SLC5A4: variants seen among roughly 807,000 people sequenced by gnomAD.
SLC5A4 encodes the protein solute carrier family 5 member 4.
In SLC5A4, 55 loss-of-function variants were observed where a neutral mutation model predicts 70.3. The observed-to-expected ratio is 0.78, with a 90% CI of 0.63 to 0.98. SLC5A4 has a LOEUF of 0.98. SLC5A4 is among the 50% of genes least tolerant of loss of function. The probability of loss-of-function intolerance (pLI) is 0.00; values close to 1 mark genes in which losing one functional copy is unlikely to be tolerated. For missense variants in SLC5A4, 735 were observed against 839.2 expected (o/e 0.88, Z 1.53); for synonymous variants, 268 against 305.7 (o/e 0.88, Z 1.29).
chr22:32,227,619 G>A (rs759750400), intron 11 of SLC5A4, among the ~76,000 whole-genome samples: 1 of 152,188 alleles, frequency 6.6e-6, no homozygotes, highest in Non-Finnish European at 1.5e-5. Flanking sequence ...ACGGTTGAAT[G>A]TTGCAAACAT....
the SLC5A4 span, among the ~76,000 whole-genome samples, chr22:32,349,353 G>C: frequency 6.6e-6 from 1 of 152,204 alleles, no homozygotes; most frequent in Non-Finnish European, 1.5e-5. Flanking sequence ...ACCAGGTGCA[G>C]AGTCTAGGAT....
At chr22:32,253,755 G>T (rs549301637) in intron 2 of SLC5A4, among the ~76,000 whole-genome samples, 1 of 152,054 alleles carries the variant, frequency 6.6e-6, no homozygotes, top group South Asian at 2.1e-4. Flanking sequence ...CATCAGAAAT[G>T]ATCAACATTC....
chr22:32,289,492 T>C, the SLC5A4 span, among the ~76,000 whole-genome samples: 1 of 152,168 alleles, frequency 6.6e-6, no homozygotes, highest in Admixed American at 6.5e-5. Context: ...TCCTCTCCTT[T>C]CTGGTTTCAT....
At chr22:32,349,479 G>C in the SLC5A4 span, among the ~76,000 whole-genome samples, 17 of 152,116 alleles carry the variant, frequency 1.1e-4, no homozygotes, top group African/African-American at 3.9e-4. Context: ...CACATAATCT[G>C]AACAATTTTC....
the SLC5A4 span, among the ~76,000 whole-genome samples, chr22:32,278,111 G>A: frequency 6.6e-6 from 1 of 152,148 alleles, no homozygotes; most frequent in Non-Finnish European, 1.5e-5. Context: ...TAGCGTGTTA[G>A]GGTCTACTGT....
chr22:32,257,946 A>C (rs942355460), upstream of SLC5A4, among the ~76,000 whole-genome samples: 1 of 151,988 alleles, frequency 6.6e-6, no homozygotes, highest in Non-Finnish European at 1.5e-5. Flanking sequence ...CTGGGATTAC[A>C]GGTGTGAGCC....
At chr22:32,251,727 A>C (rs1316045573) in intron 3 of SLC5A4, 43 bp downstream of exon 3, 1 of 1,134,648 alleles carries the variant, frequency 8.8e-7, no homozygotes, top group Non-Finnish European at 1.3e-6. Flanking sequence ...AAGACACTGG[A>C]TATGGTTTTG....
chr22:32,268,038 G>A, the SLC5A4 span, among the ~76,000 whole-genome samples: 5 of 152,126 alleles, frequency 3.3e-5, no homozygotes, highest in African/African-American at 1.2e-4. Context: ...GCAGGAGAAT[G>A]GCGTAAACCC....
intron 11 of SLC5A4, among the ~76,000 whole-genome samples, chr22:32,226,171 A>G (rs1441620564): frequency 1.3e-5 from 2 of 152,248 alleles, no homozygotes; most frequent in South Asian, 2.1e-4. Context: ...AATTATTTGT[A>G]TGATAAAGAA....
the SLC5A4 span, among the ~76,000 whole-genome samples, chr22:32,264,969 G>A: frequency 6.6e-6 from 1 of 152,140 alleles, no homozygotes; most frequent in Non-Finnish European, 1.5e-5. Flanking sequence ...AAATGCCCAT[G>A]TATAATGATA....
chr22:32,219,630 C>CAAAAAAAAAAAAAAAAAAAAAAAA lies in SLC5A4; in HGVS notation c.1769-906_1769-905insTTTTTTTTTTTTTTTTTTTTTTTT. Among the ~76,000 whole-genome samples the CAAAAAAAAAAAAAAAAAAAAAAAA allele has an allele frequency of 2.1e-4, 6 of 28,880 alleles. 1 individual carries two copies. The East Asian group carries it at 2.2e-3, about 11-fold the overall frequency. 18.9% of individuals were successfully genotyped at this position (28,880 alleles called of 152,430 possible). Reference sequence around the variant, plus strand: ...ATGAATGAGTTAATATCCAACTTAGCAAAAAAAAAAAAAAAAAAAAAAGAA... The same window carrying CAAAAAAAAAAAAAAAAAAAAAAAA: ...ATGAATGAGTTAATATCCAACTTAGCAAAAAAAAAAAAAAAAAAAAAAAAAAAAAAAAAAAAAAAAAAAAAAGAA... On this transcript the variant is annotated intron_variant, in intron 14 of 14. Transcript: ENST00000266086.
At chr22:32,303,797 A>C in the SLC5A4 span, among the ~76,000 whole-genome samples, 4 of 152,204 alleles carry the variant, frequency 2.6e-5, no homozygotes, top group African/African-American at 9.7e-5. Flanking sequence ...ATAAGTTGTC[A>C]ACTCCTTTGG....
chr22:32,301,432 T>C, the SLC5A4 span, among the ~76,000 whole-genome samples: 2 of 152,264 alleles, frequency 1.3e-5, no homozygotes, highest in Admixed American at 6.5e-5. Context: ...AATAGTTTCA[T>C]GTACTTATTT....
the SLC5A4 span, among the ~76,000 whole-genome samples, chr22:32,292,484 ACAG>A: frequency 2.7e-5 from 4 of 150,880 alleles, no homozygotes; most frequent in Non-Finnish European, 5.9e-5. Context: ...CCCAGAGAAC[ACAG>A]CAACAGGGTG....
At chr22:32,223,195 A>G (rs1182193672) in intron 13 of SLC5A4, among the ~76,000 whole-genome samples, 1 of 152,176 alleles carries the variant, frequency 6.6e-6, no homozygotes, top group African/African-American at 2.4e-5. Flanking sequence ...TCCTTTCATG[A>G]TGAAATCTGG....
intron 13 of SLC5A4, 53 bp from the exon 14 acceptor site, chr22:32,221,075 G>T: frequency 9.0e-7 from 1 of 1,108,444 alleles, no homozygotes; most frequent in Non-Finnish European, 1.4e-6. Flanking sequence ...GTTTGCAATA[G>T]TATAATAGAA....
intron 14 of SLC5A4, among the ~76,000 whole-genome samples, chr22:32,219,224 A>G (rs893767557): frequency 1.3e-5 from 2 of 152,184 alleles, no homozygotes; most frequent in Non-Finnish European, 2.9e-5. Context: ...GCACTCTTCT[A>G]TATTGTTGCT....
upstream of SLC5A4, among the ~76,000 whole-genome samples, chr22:32,259,422 C>T (rs1927645275): frequency 6.6e-6 from 1 of 152,018 alleles, no homozygotes; most frequent in African/African-American, 2.4e-5. Flanking sequence ...TGTTTTTTAT[C>T]CAAAAAGGGC....
intron 14 of SLC5A4, 137 bp from the exon 15 acceptor site, chr22:32,218,862 G>T: frequency 1.6e-6 from 1 of 628,096 alleles, no homozygotes; most frequent in Non-Finnish European, 2.7e-6. Flanking sequence ...CTGAGAAAAT[G>T]TAGATAAATT....
Sources: gnomAD v4.1 joint callset for allele counts (sites outside exome capture counted in the v4.1 genomes callset) on GRCh38, gnomAD v4.1.1 for gene constraint, MANE v1.5 for transcripts, NCBI Gene and HGNC (gene_info 2026-07-23, HGNC 2026-07-21) for gene names.